The following VAV3 variants were observed in gnomAD, a reference collection of about 807,000 sequenced individuals.
VAV3 encodes the protein vav guanine nucleotide exchange factor 3, also known as guanine nucleotide exchange factor VAV3.
VAV3 carries 94 observed loss-of-function variants against 131.2 expected under a neutral mutation model. That is an observed-to-expected ratio of 0.72 (90% confidence interval 0.61 to 0.85). The LOEUF is 0.85. VAV3 is among the 40% of genes least tolerant of loss of function. The pLI is 0.00. For missense variants in VAV3, 939 were observed against 1,002.7 expected (o/e 0.94, Z 0.86); for synonymous variants, 349 against 342.0 (o/e 1.02, Z -0.22).
intron 15 of VAV3, among the ~76,000 whole-genome samples, chr1:107,729,593 G>A (rs1662095793): frequency 6.6e-6 from 1 of 152,158 alleles, no homozygotes; most frequent in Non-Finnish European, 1.5e-5. Context: ...GTTCTGTGAT[G>A]AGCTGTGTGG....
At chr1:107,941,285 T>C (rs1411424954) in intron 1 of VAV3, among the ~76,000 whole-genome samples, 1 of 152,222 alleles carries the variant, frequency 6.6e-6, no homozygotes, top group Non-Finnish European at 1.5e-5. Context: ...AAACTGAATG[T>C]GGTCTCTGCG....
At position 107,768,427 on chromosome 1, in the gene VAV3, A is replaced by C; in HGVS notation, c.717+14T>G. On this transcript the variant is annotated intron_variant, in intron 7 of 26. Coordinates refer to ENST00000370056, the MANE Select transcript of VAV3 (RefSeq NM_006113.5). ...GAAGTACACCACAATTTTAGCTAGCATATTTTTACTCACAGGAATGTTGAT... is the reference window on the plus strand; with the variant it reads ...GAAGTACACCACAATTTTAGCTAGCCTATTTTTACTCACAGGAATGTTGAT... 6.2e-7 allele frequency: 1 copy of C among 1,605,978 alleles called. No individual in the cohort carries two copies. The highest frequency in any genetic ancestry group is 8.5e-7 in the Non-Finnish European group (1 of 1,174,854).
At chr1:107,606,465 T>C (rs1019564630) in intron 22 of VAV3, among the ~76,000 whole-genome samples, 2 of 152,186 alleles carry the variant, frequency 1.3e-5, no homozygotes, top group Admixed American at 1.3e-4. Flanking sequence ...TGGAGCCACA[T>C]GTCCTTCGGT....
At chr1:107,939,812 A>G (rs1275077310) in intron 1 of VAV3, among the ~76,000 whole-genome samples, 1 of 152,166 alleles carries the variant, frequency 6.6e-6, no homozygotes, top group Non-Finnish European at 1.5e-5. Flanking sequence ...ACGAATTACT[A>G]AACTGACCAT....
At chr1:107,781,866 G>T (rs1665708775) in intron 2 of VAV3, among the ~76,000 whole-genome samples, 1 of 152,094 alleles carries the variant, frequency 6.6e-6, no homozygotes, top group African/African-American at 2.4e-5. Context: ...AAACTCAGAA[G>T]ATCAAGAATG....
At chr1:107,745,509 C>G (rs920821369) in intron 15 of VAV3, among the ~76,000 whole-genome samples, 11 of 152,056 alleles carry the variant, frequency 7.2e-5, no homozygotes, top group African/African-American at 2.7e-4. Context: ...ATTTTAAATG[C>G]TGGAAGTGGT....
chr1:107,862,335 C>T (rs759083057), intron 2 of VAV3, among the ~76,000 whole-genome samples: 1 of 151,360 alleles, frequency 6.6e-6, no homozygotes, highest in Non-Finnish European at 1.5e-5. Context: ...CAGTTCCACC[C>T]CCACACTACC....
Position 107,681,754 on chromosome 1 carries a change from C to A in VAV3, c.1777+1734G>T, listed in dbSNP as rs112168571. Among the ~76,000 whole-genome samples, 37 of 151,738 alleles carry A rather than the reference C, an allele frequency of 2.4e-4. No homozygotes were observed. The South Asian group carries it at 4.6e-3, about 19-fold the overall frequency. ...CTGCAAGTTCTGCCTCCCGGGCTCA[C>A]GCCATTCTCCTGCCTCAGCCTCCCA... On this transcript the variant is annotated intron_variant, in intron 19 of 26. Transcript: ENST00000370056.
intron 20 of VAV3, among the ~76,000 whole-genome samples, chr1:107,620,835 T>C (rs936487600): frequency 6.6e-6 from 1 of 152,154 alleles, no homozygotes; most frequent in African/African-American, 2.4e-5. Flanking sequence ...GGCATAGTTG[T>C]TTCTTTCTTC....
chr1:107,912,288 T>C (rs142512806), intron 1 of VAV3, among the ~76,000 whole-genome samples: 3 of 152,344 alleles, frequency 2.0e-5, no homozygotes, highest in Non-Finnish European at 4.4e-5. Flanking sequence ...CTTTGTTGCT[T>C]TGTAATTTTG....
At chr1:107,581,974 C>G (rs1650085449) in intron 25 of VAV3, among the ~76,000 whole-genome samples, 1 of 152,204 alleles carries the variant, frequency 6.6e-6, no homozygotes, top group Non-Finnish European at 1.5e-5. Flanking sequence ...TTCTCTGGGA[C>G]AGACATTCCT....
At chr1:107,693,581 A>AG (rs1213254457) in intron 17 of VAV3, among the ~76,000 whole-genome samples, 1 of 152,194 alleles carries the variant, frequency 6.6e-6, no homozygotes, top group Non-Finnish European at 1.5e-5. Context: ...ACATCCAAAA[A>AG]GGGCTAACTT....
intron 21 of VAV3, among the ~76,000 whole-genome samples, chr1:107,612,461 T>G (rs1400443558): frequency 6.6e-6 from 1 of 152,118 alleles, no homozygotes; most frequent in Admixed American, 6.6e-5. Context: ...ATTTCTCTTT[T>G]GAGGTTTTCT....
At chr1:107,889,523 G>T (rs78577193) in intron 1 of VAV3, among the ~76,000 whole-genome samples, 8,996 of 152,024 alleles carry the variant, frequency 0.059, 405 homozygotes, top group Non-Finnish European at 0.084. Flanking sequence ...CCAGGACAAT[G>T]GTCTTCCTAC....
intron 15 of VAV3, among the ~76,000 whole-genome samples, chr1:107,737,619 G>T (rs1662738458): frequency 6.6e-6 from 1 of 152,296 alleles, no homozygotes; most frequent in South Asian, 2.1e-4. Context: ...CATCATCACT[G>T]GCCGTCAGAG....
intron 20 of VAV3, among the ~76,000 whole-genome samples, chr1:107,639,381 A>T (rs1019274986): frequency 8.9e-5 from 7 of 78,252 alleles, no homozygotes; most frequent in Admixed American, 6.4e-4. Context: ...TCAAGAGAAT[A>T]AAAAAAAAGC....
chr1:107,584,239 C>A (rs1232457315), intron 25 of VAV3, among the ~76,000 whole-genome samples: 2 of 152,120 alleles, frequency 1.3e-5, no homozygotes, highest in Admixed American at 6.5e-5. Context: ...CTTCCTTACA[C>A]CTTATACAAG....
At chr1:107,658,787 G>C (rs2101613316) in intron 19 of VAV3, among the ~76,000 whole-genome samples, 1 of 152,244 alleles carries the variant, frequency 6.6e-6, no homozygotes, top group South Asian at 2.1e-4. Flanking sequence ...CCCACTTTTT[G>C]ATGGGGTTGT....
chr1:107,604,824 C>A (rs1358434571), intron 22 of VAV3, among the ~76,000 whole-genome samples: 1 of 152,180 alleles, frequency 6.6e-6, no homozygotes, highest in Non-Finnish European at 1.5e-5. Context: ...GAAAAAGCAG[C>A]AGTATTCCAT....
Sources: allele counts gnomAD v4.1 joint callset (sites outside exome capture counted in the v4.1 genomes callset), GRCh38; gene constraint gnomAD v4.1.1; transcripts MANE v1.5; gene names NCBI Gene and HGNC (gene_info 2026-07-23, HGNC 2026-07-21).